The following GLRA2 variants were observed in gnomAD, a reference collection of about 807,000 sequenced individuals.
The protein encoded by GLRA2 is glycine receptor alpha 2.
In GLRA2, 11 loss-of-function variants were observed where a neutral mutation model predicts 31.6. The ratio of observed to expected loss-of-function variants is 0.35; its 90% CI spans 0.22 to 0.58. The LOEUF is 0.58. GLRA2 is among the 20% of genes least tolerant of loss of function. The probability of loss-of-function intolerance (pLI) is 0.84; values close to 1 mark genes in which losing one functional copy is unlikely to be tolerated. For missense variants in GLRA2, 212 were observed against 351.8 expected, an observed-to-expected ratio of 0.60 and a Z score of 3.18; for synonymous variants, 132 against 134.0, an observed-to-expected ratio of 0.99 and a Z score of 0.10.
chrX:14,521,384 A>T, the GLRA2 span, among the ~76,000 whole-genome samples: 8 of 111,926 alleles, frequency 7.1e-5, no homozygotes, highest in Non-Finnish European at 1.3e-4. Flanking sequence ...TCTCCCGAAG[A>T]TAGGACACAC....
chrX:14,730,811 A>G lies in GLRA2; in HGVS notation c.*326A>G. 5.1e-6 allele frequency: 1 copy of G among 195,498 alleles called. No homozygotes were observed. Among genetic ancestry groups the G allele is most frequent in the East Asian group, 1.2e-4 (1 of 8,587 alleles). The allele number at this position is 195,498 out of a possible 1,213,427, so 16.1% of individuals were successfully genotyped here. ...TCATTCAGACATGATATGCGGGGTCAAGTTCTTAAGGGCTGTTTGCCTTTT... is the reference window on the plus strand; with the variant it reads ...TCATTCAGACATGATATGCGGGGTCGAGTTCTTAAGGGCTGTTTGCCTTTT... On this transcript the variant is annotated 3_prime_UTR_variant, in exon 9 of 9. Transcript: ENST00000218075.
chrX:14,606,284 G>A (rs1872203387), intron 5 of GLRA2, among the ~76,000 whole-genome samples: 1 of 110,658 alleles, frequency 9.0e-6, no homozygotes, highest in Non-Finnish European at 1.9e-5. Context: ...GAGAAATGGT[G>A]CATGAAAGAA....
chrX:14,679,607 A>C (rs1272457862), intron 7 of GLRA2, among the ~76,000 whole-genome samples: 3 of 110,339 alleles, frequency 2.7e-5, no homozygotes, highest in Non-Finnish European at 5.7e-5. Context: ...TGCCCAGCAT[A>C]TCCCGGTCAC....
At chrX:14,535,527 T>C (rs2089311542) in intron 2 of GLRA2, among the ~76,000 whole-genome samples, 1 of 112,470 alleles carries the variant, frequency 8.9e-6, no homozygotes, top group East Asian at 2.8e-4. Flanking sequence ...GAAGCACAAG[T>C]GTATAAACAA....
chrX:14,595,194 A>T (rs1362072244), intron 4 of GLRA2, among the ~76,000 whole-genome samples: 1 of 111,580 alleles, frequency 9.0e-6, no homozygotes, highest in Admixed American at 9.6e-5. Flanking sequence ...GAATCTATCA[A>T]TTTATTTACA....
chrX:14,467,606 G>T, the GLRA2 span, among the ~76,000 whole-genome samples: 1 of 111,963 alleles, frequency 8.9e-6, no homozygotes, highest in Non-Finnish European at 1.9e-5. Context: ...ATTACCACCA[G>T]GAAAAACATT....
At chrX:14,556,558 A>G (rs2089645228) in intron 2 of GLRA2, among the ~76,000 whole-genome samples, 1 of 111,887 alleles carries the variant, frequency 8.9e-6, no homozygotes. Flanking sequence ...TATTCTTACA[A>G]ATTGTTCTCA....
At chrX:14,598,104 G>A (rs1234679689) in intron 4 of GLRA2, among the ~76,000 whole-genome samples, 1 of 111,542 alleles carries the variant, frequency 9.0e-6, no homozygotes, top group Non-Finnish European at 1.9e-5. Flanking sequence ...TGCATAAAGA[G>A]AGATAAATGT....
chrX:14,561,530 C>T (rs936649491), intron 2 of GLRA2, among the ~76,000 whole-genome samples: 1 of 112,249 alleles, frequency 8.9e-6, no homozygotes, highest in African/African-American at 3.2e-5. Context: ...ATGACAGAGG[C>T]CTTGTGGCCC....
At chrX:14,523,747 T>C in the GLRA2 span, among the ~76,000 whole-genome samples, 1 of 111,596 alleles carries the variant, frequency 9.0e-6, no homozygotes, top group Non-Finnish European at 1.9e-5. Flanking sequence ...CATACAACAT[T>C]GATCGATTAA....
chrX:14,562,232 T>C (rs2089743000), intron 2 of GLRA2, among the ~76,000 whole-genome samples: 2 of 112,287 alleles, frequency 1.8e-5, no homozygotes, highest in South Asian at 7.4e-4. Flanking sequence ...GTCAGAACTC[T>C]GGAAAACAGT....
intron 2 of GLRA2, among the ~76,000 whole-genome samples, chrX:14,549,954 A>T (rs1212204277): frequency 9.0e-6 from 1 of 111,400 alleles, no homozygotes; most frequent in Non-Finnish European, 1.9e-5. Context: ...CCAGAAAGAG[A>T]TGCAGTCATT....
the GLRA2 span, among the ~76,000 whole-genome samples, chrX:14,468,216 C>G: frequency 9.8e-5 from 11 of 112,227 alleles, no homozygotes; most frequent in South Asian, 4.0e-3. Context: ...ATTTGCATTT[C>G]AATGCCAAAG....
chrX:14,607,395 C>A, intron 6 of GLRA2, 127 bp downstream of exon 6: 1 of 521,578 alleles, frequency 1.9e-6, no homozygotes, highest in South Asian at 3.8e-5. Context: ...GTCGCACGGA[C>A]CTGATTTGGC....
intron 1 of GLRA2, chrX:14,531,121 C>T (rs2089249289): frequency 2.2e-6 from 2 of 929,957 alleles, no homozygotes; most frequent in South Asian, 2.0e-5. Flanking sequence ...ATCCTCACCA[C>T]CACCACCATC....
At chrX:14,476,664 T>C in the GLRA2 span, among the ~76,000 whole-genome samples, 2 of 111,771 alleles carry the variant, frequency 1.8e-5, no homozygotes, top group African/African-American at 6.5e-5. Context: ...TTGTGCCTTA[T>C]GCTATTTGGA....
At chrX:14,638,125 G>A (rs1395809633) in intron 7 of GLRA2, among the ~76,000 whole-genome samples, 1 of 111,212 alleles carries the variant, frequency 9.0e-6, no homozygotes, top group Non-Finnish European at 1.9e-5. Flanking sequence ...AAATGGCATT[G>A]TTAGCATGTA....
chrX:14,529,804 G>A lies in GLRA2; in HGVS notation c.-254G>A, dbSNP rs188112061. On this transcript the variant is annotated 5_prime_UTR_variant, in exon 1 of 9. Coordinates refer to ENST00000218075, the MANE Select transcript of GLRA2 (RefSeq NM_002063.4). ...TATTATTCAGGAAAAGCAGCTGGGG[G>A]ATTCATCAGTTCTGAGGCTTTGTCT... 7.5e-5 allele frequency: 30 copies of A among 398,451 alleles called. No individual in the cohort carries two copies. In the East Asian group the frequency reaches 9.8e-4, roughly 13 times the overall value. The allele number at this position is 398,451 out of a possible 1,213,427, so 32.8% of individuals were successfully genotyped here. A position where few individuals can be genotyped will look rare whatever the true frequency, so the allele number is the denominator to read the frequency against.
chrX:14,488,779 A>G, the GLRA2 span, among the ~76,000 whole-genome samples: 1 of 112,759 alleles, frequency 8.9e-6, no homozygotes, highest in East Asian at 2.8e-4. Flanking sequence ...AGCTATAACA[A>G]GAACCATCAT....
Sources: allele counts gnomAD v4.1 joint callset (sites outside exome capture counted in the v4.1 genomes callset), GRCh38; gene constraint gnomAD v4.1.1; transcripts MANE v1.5; gene names NCBI Gene and HGNC (gene_info 2026-07-23, HGNC 2026-07-21).